The following PGM3 variants were observed in gnomAD, a reference collection of about 807,000 sequenced individuals.
PGM3 encodes phosphoglucomutase 3, also known as phosphoacetylglucosamine mutase.
A neutral mutation model predicts 66.2 loss-of-function variants in PGM3; 40 were observed. That is an observed-to-expected ratio of 0.60 (90% CI 0.47 to 0.79). The LOEUF is 0.79. PGM3 is among the 30% of genes least tolerant of loss of function. The pLI, the probability that PGM3 is intolerant of heterozygous loss-of-function variation, is 0.00. For synonymous variants in PGM3, 191 were observed against 224.2 expected, an observed-to-expected ratio of 0.85 and a Z score of 1.32; for missense variants, 537 against 643.4, an observed-to-expected ratio of 0.83 and a Z score of 1.79.
At chr6:83,176,794 G>T (rs1359840088) in intron 8 of PGM3, among the ~76,000 whole-genome samples, 1 of 152,194 alleles carries the variant, frequency 6.6e-6, no homozygotes, top group East Asian at 1.9e-4. Context: ...CTGGAAGACA[G>T]TGAGTTGAGA....
chr6:83,173,682 G>A (rs1054113931), intron 10 of PGM3, among the ~76,000 whole-genome samples: 1 of 151,966 alleles, frequency 6.6e-6, no homozygotes, highest in South Asian at 2.1e-4. Context: ...ATAGCCAAAC[G>A]ACACTCCAAC....
rs184307393 is a variant in PGM3 at position 83,171,160 on chromosome 6, T to G, written c.1366-682A>C. 2.0e-5 allele frequency: 3 copies of G among 152,246 alleles called. No homozygotes were observed. In the East Asian group the frequency reaches 5.8e-4, roughly 29 times the overall value. 9.4% of individuals were successfully genotyped at this position (152,246 alleles called of 1,614,324 possible). On this transcript the variant is annotated intron_variant, in intron 11 of 12. Transcript: ENST00000513973. ...TTCAAGACCAGCCTAGGCAACATAG[T>G]GAGATCTCGTCTCTAAATAAAATAT...
chr6:83,158,004 T>G (rs1036925858), downstream of PGM3, among the ~76,000 whole-genome samples: 1 of 152,068 alleles, frequency 6.6e-6, no homozygotes. Context: ...TTTTCCTTTT[T>G]TTTTTGTTTT....
intron 11 of PGM3, chr6:83,171,323 T>C (rs568941889): frequency 2.6e-5 from 4 of 152,310 alleles, no homozygotes; most frequent in Admixed American, 2.6e-4. Flanking sequence ...CTATTTTTAA[T>C]TTTCCATAAT....
chr6:83,177,361 TAGTGTGGTGCCA>T (rs1310044541), intron 8 of PGM3, among the ~76,000 whole-genome samples: 3 of 151,984 alleles, frequency 2.0e-5, no homozygotes, highest in Non-Finnish European at 4.4e-5. Context: ...TCCGAGCAAG[TAGTGTGGTGCCA>T]AGGGTGGTCA....
the PGM3 span, among the ~76,000 whole-genome samples, chr6:83,150,462 T>C: frequency 3.3e-5 from 5 of 152,242 alleles, no homozygotes; most frequent in Non-Finnish European, 1.5e-5. Context: ...ATATTCTGAA[T>C]GTTAAAACAA....
chr6:83,150,012 A>C, the PGM3 span, among the ~76,000 whole-genome samples: 3,636 of 152,322 alleles, frequency 0.024, 147 homozygotes, highest in African/African-American at 0.082. Context: ...GTAGCAGCAC[A>C]GATGTGTTAA....
rs190279776 is a variant in PGM3 at position 83,188,654 on chromosome 6, G to T, written c.349C>A (p.Leu117Met). The change falls in exon 3 of 13, where the codon CTG becomes ATG. Residue 117 changes from leucine (L) to methionine (M), a missense_variant. Coordinates refer to ENST00000513973, the MANE Select transcript of PGM3 (RefSeq NM_015599.3). ...ATAACTACAAAGGCATCTTGTTGCA[G>T]ATTCACAGCTTCTTTCTCGCTGATG... ...IDISEKEAVN[L>M]QQDAFVVIGR... 1.2e-4 allele frequency: 195 copies of T among 1,613,856 alleles called. No homozygotes were observed. In the East Asian group the frequency reaches 4.2e-3, roughly 34 times the overall value.
chr6:83,167,631 G>T lies in PGM3; in HGVS notation c.*1603C>A. 8 of 1,231,070 alleles carry T rather than the reference G, an allele frequency of 6.5e-6. No homozygotes were observed. The highest frequency in any genetic ancestry group is 8.1e-6 in the Non-Finnish European group (8 of 986,568). 76.3% of individuals were successfully genotyped at this position (1,231,070 alleles called of 1,614,324 possible). On this transcript the variant is annotated 3_prime_UTR_variant, in exon 13 of 13. Transcript: ENST00000513973. ...ATTTCTGTTAACTAAGCTTATCTGC[G>T]CATTCTAGTTGGGAACTATTACTAC...
chr6:83,188,595 C>G lies in PGM3; in HGVS notation c.389+19G>C. On this transcript the variant is annotated intron_variant, in intron 3 of 12. Transcript: ENST00000513973. ...CGTTCCCAAAGGTTTTTTTTTTTAC[C>G]AGTAACTCTTATCATCACCTGGTAT... 1.9e-6 allele frequency: 3 copies of G among 1,563,210 alleles called. No homozygotes were observed. The highest frequency in any genetic ancestry group is 1.7e-6 in the Non-Finnish European group (2 of 1,143,720).
intron 5 of PGM3, among the ~76,000 whole-genome samples, chr6:83,182,544 C>T (rs1054602725): frequency 6.6e-6 from 1 of 152,204 alleles, no homozygotes; most frequent in African/African-American, 2.4e-5. Flanking sequence ...ACAGCACCTA[C>T]ATTAACTAAG....
At chr6:83,169,648 G>T (rs1203037856) in intron 12 of PGM3, 1 of 471,172 alleles carries the variant, frequency 2.1e-6, no homozygotes, top group Admixed American at 2.4e-5. Flanking sequence ...TAATGCCTCT[G>T]TTGCCATCTC....
rs1788788708 is a variant in PGM3, at chr6:83,188,595, C to A, written c.389+19G>T. 6.4e-7 allele frequency: 1 copy of A among 1,563,206 alleles called. No homozygotes were observed. The highest frequency in any genetic ancestry group is 8.7e-7 in the Non-Finnish European group (1 of 1,143,718). ...CGTTCCCAAAGGTTTTTTTTTTTAC[C>A]AGTAACTCTTATCATCACCTGGTAT... On this transcript the variant is annotated intron_variant, in intron 3 of 12. Transcript: ENST00000513973.
At chr6:83,153,986 C>G in the PGM3 span, 1 of 1,614,046 alleles carries the variant, frequency 6.2e-7, no homozygotes, top group African/African-American at 1.3e-5. Flanking sequence ...AAAAAAGAAG[C>G]TTTTGACCTC....
intron 4 of PGM3, 61 bp downstream of exon 4, chr6:83,186,946 AC>A: frequency 1.1e-6 from 1 of 889,218 alleles, no homozygotes. Flanking sequence ...AATATACATT[AC>A]TTTTGTAAAT....
chr6:83,159,595 T>C (rs1783748028), downstream of PGM3: 1 of 631,402 alleles, frequency 1.6e-6, no homozygotes, highest in African/African-American at 1.8e-5. Flanking sequence ...CCAGTCTATG[T>C]ACTGTTTTTG....
the PGM3 span, chr6:83,148,953 C>A: frequency 1.4e-6 from 1 of 713,982 alleles, no homozygotes; most frequent in Non-Finnish European, 2.1e-6. Flanking sequence ...TTTTAGGTGA[C>A]AGTGATCTCT....
the PGM3 span, chr6:83,151,619 AC>A: frequency 1.2e-6 from 2 of 1,607,928 alleles, no homozygotes; most frequent in Non-Finnish European, 1.7e-6. Context: ...ATTATGAAAA[AC>A]CCTAGTTTGG....
At chr6:83,180,069 A>T (rs903415314) in intron 6 of PGM3, 102 bp from the exon 7 acceptor site, 14 of 828,478 alleles carry the variant, frequency 1.7e-5, no homozygotes, top group Non-Finnish European at 2.4e-5. Context: ...TCAATGTCTT[A>T]ATCTTAAATA....
Sources: allele counts gnomAD v4.1 joint callset (sites outside exome capture counted in the v4.1 genomes callset), GRCh38; gene constraint gnomAD v4.1.1; transcripts MANE v1.5; gene names NCBI Gene and HGNC (gene_info 2026-07-23, HGNC 2026-07-21).